CCSER1: variants seen among roughly 807,000 people sequenced by gnomAD.
The protein encoded by CCSER1 is serine-rich coiled-coil domain-containing protein 1.
A neutral mutation model predicts 82.0 loss-of-function variants in CCSER1; 41 were observed. That is an observed-to-expected ratio of 0.50 (90% CI 0.39 to 0.65). The LOEUF is 0.65. CCSER1 is among the 30% of genes least tolerant of loss of function. CCSER1 has a pLI of 0.00. For missense variants in CCSER1, 1,119 were observed against 1,064.2 expected (o/e 1.05, Z -0.72); for synonymous variants, 414 against 383.9 (o/e 1.08, Z -0.92).
intron 3 of CCSER1, among the ~76,000 whole-genome samples, chr4:90,380,460 A>G (rs1417184579): frequency 6.6e-6 from 1 of 152,204 alleles, no homozygotes; most frequent in Non-Finnish European, 1.5e-5. Context: ...GTGTCTTCAT[A>G]TACTTTTCCA....
rs1725123288 is a variant in CCSER1 at position 91,102,066 on chromosome 4, T to C, written c.2217+16072T>C. ...ACTTATGAGGCCTCAGAGAAACATG[T>C]TTCAGACAGAGGAGCTCGTGCAGAT... On this transcript the variant is annotated intron_variant, in intron 10 of 10. Transcript: ENST00000509176. Among the ~76,000 whole-genome samples, 4 of 152,170 alleles carry C rather than the reference T, an allele frequency of 2.6e-5. No individual in the cohort carries two copies. In the South Asian group the frequency reaches 8.3e-4, roughly 32 times the overall value.
chr4:90,519,320 G>A (rs888022871), intron 5 of CCSER1, among the ~76,000 whole-genome samples: 4 of 151,748 alleles, frequency 2.6e-5, no homozygotes, highest in African/African-American at 9.7e-5. Flanking sequence ...AAATTTTAAT[G>A]TTGCTATTAT....
intron 3 of CCSER1, among the ~76,000 whole-genome samples, chr4:90,328,413 T>C (rs902298994): frequency 6.6e-6 from 1 of 152,142 alleles, no homozygotes; most frequent in Non-Finnish European, 1.5e-5. Flanking sequence ...TTTAAAATAG[T>C]CAAGTAATTC....
At chr4:91,278,914 G>C (rs79492185) in intron 10 of CCSER1, among the ~76,000 whole-genome samples, 1 of 151,972 alleles carries the variant, frequency 6.6e-6, no homozygotes, top group Non-Finnish European at 1.5e-5. Context: ...TCATTCCCAC[G>C]TGTAGAACTC....
At chr4:91,584,853 T>TA (rs140790876) in intron 10 of CCSER1, among the ~76,000 whole-genome samples, 17,400 of 151,474 alleles carry the variant, frequency 0.11, 1,015 homozygotes, top group Middle Eastern at 0.18. Context: ...TCTGAATTAC[T>TA]ATAATATGGA....
intron 10 of CCSER1, among the ~76,000 whole-genome samples, chr4:91,377,319 C>G (rs1050596080): frequency 6.6e-6 from 1 of 152,238 alleles, no homozygotes; most frequent in South Asian, 2.1e-4. Context: ...CTTGAGGAAT[C>G]GCCACACTGT....
At chr4:90,842,160 A>G (rs1762650095) in intron 8 of CCSER1, among the ~76,000 whole-genome samples, 1 of 152,206 alleles carries the variant, frequency 6.6e-6, no homozygotes, top group Non-Finnish European at 1.5e-5. Context: ...TTTCTTATTC[A>G]AAACATCTTT....
chr4:90,781,215 A>G (rs1046164542), intron 7 of CCSER1: 1 of 971,710 alleles, frequency 1.0e-6, no homozygotes, highest in Non-Finnish European at 1.2e-6. Flanking sequence ...GAGCAGAGAC[A>G]AATTTCCAAA....
Position 90,926,498 on chromosome 4 carries a change from A to ATTCTATTTTTATACATTAATTATAAT in CCSER1, c.2172+3051_2172+3052insTTCTATTTTTATACATTAATTATAAT, listed in dbSNP as rs1729079422. 2.6e-5 allele frequency among the ~76,000 whole-genome samples: 4 copies of ATTCTATTTTTATACATTAATTATAAT among 152,060 alleles called. No homozygotes were observed. In the South Asian group the frequency reaches 8.3e-4, roughly 31 times the overall value. Reference sequence around the variant, plus strand: ...GCTTAAGATAAGAAATAGAATTCCCAGAAAACATTAATTATAATAAAATCT... The same window carrying ATTCTATTTTTATACATTAATTATAAT: ...GCTTAAGATAAGAAATAGAATTCCCATTCTATTTTTATACATTAATTATAATGAAAACATTAATTATAATAAAATCT... On this transcript the variant is annotated intron_variant, in intron 9 of 10. Transcript: ENST00000509176.
chr4:90,174,594 A>ACAG (rs754271541), intron 1 of CCSER1, among the ~76,000 whole-genome samples: 24 of 151,994 alleles, frequency 1.6e-4, no homozygotes, highest in Non-Finnish European at 2.8e-4. Context: ...TGGCAAGACT[A>ACAG]CAGCAGCAAG....
chr4:91,285,971 GT>G (rs796293014), intron 10 of CCSER1, among the ~76,000 whole-genome samples: 12 of 141,092 alleles, frequency 8.5e-5, no homozygotes, highest in South Asian at 4.4e-4. Flanking sequence ...TGTTTGTTTT[GT>G]TTTTTTTTTC....
At chr4:91,371,707 A>G (rs1057279843) in intron 10 of CCSER1, among the ~76,000 whole-genome samples, 1 of 152,192 alleles carries the variant, frequency 6.6e-6, no homozygotes, top group Non-Finnish European at 1.5e-5. Context: ...AATAATTTTC[A>G]TTCTTGACAA....
At chr4:90,610,628 A>G (rs960584196) in intron 5 of CCSER1, among the ~76,000 whole-genome samples, 2 of 152,198 alleles carry the variant, frequency 1.3e-5, no homozygotes, top group African/African-American at 2.4e-5. Context: ...TTTTAAAACT[A>G]TGAGAATACA....
chr4:90,352,248 C>G (rs1450238882), intron 3 of CCSER1, among the ~76,000 whole-genome samples: 1 of 151,848 alleles, frequency 6.6e-6, no homozygotes, highest in Non-Finnish European at 1.5e-5. Flanking sequence ...GGCGGGAACC[C>G]GGGAGGCCGA....
intron 10 of CCSER1, among the ~76,000 whole-genome samples, chr4:91,232,410 G>A (rs1408333122): frequency 2.6e-5 from 4 of 151,712 alleles, no homozygotes; most frequent in Non-Finnish European, 4.4e-5. Context: ...CAAATCAGAT[G>A]ACTCATATAT....
intron 10 of CCSER1, among the ~76,000 whole-genome samples, chr4:91,293,622 G>A (rs976086691): frequency 2.6e-5 from 4 of 151,880 alleles, no homozygotes; most frequent in South Asian, 2.1e-4. Context: ...TTCAATGCAC[G>A]TTTTGAAGTA....
chr4:91,520,912 G>T (rs1466662838), intron 10 of CCSER1, among the ~76,000 whole-genome samples: 4 of 151,996 alleles, frequency 2.6e-5, no homozygotes, highest in Non-Finnish European at 4.4e-5. Flanking sequence ...TATACTTTAA[G>T]TTCGAGGGTA....
At chr4:90,497,309 A>G (rs1769190175) in intron 5 of CCSER1, among the ~76,000 whole-genome samples, 1 of 152,198 alleles carries the variant, frequency 6.6e-6, no homozygotes, top group Non-Finnish European at 1.5e-5. Flanking sequence ...GTTTCAGTTA[A>G]CATGGTACTA....
chr4:91,220,853 A>C (rs1050177600), intron 10 of CCSER1, among the ~76,000 whole-genome samples: 9 of 152,194 alleles, frequency 5.9e-5, no homozygotes, highest in Non-Finnish European at 1.2e-4. Flanking sequence ...GCACTTCACT[A>C]TATATACATA....
Sources: gnomAD v4.1 joint callset for allele counts (sites outside exome capture counted in the v4.1 genomes callset) on GRCh38, gnomAD v4.1.1 for gene constraint, MANE v1.5 for transcripts, NCBI Gene and HGNC (gene_info 2026-07-23, HGNC 2026-07-21) for gene names.